Variants in PTPRD observed in about 807,000 individuals in gnomAD.
The protein encoded by PTPRD is receptor-type tyrosine-protein phosphatase delta.
In PTPRD, 34 loss-of-function variants were observed where a neutral mutation model predicts 214.5. That is an observed-to-expected ratio of 0.16 (90% CI 0.12 to 0.21). The LOEUF is 0.21. Among genes scored for constraint, PTPRD ranks in the 10% least tolerant of loss-of-function variants. The probability of loss-of-function intolerance (pLI) is 1.00; values close to 1 mark genes in which losing one functional copy is unlikely to be tolerated. For synonymous variants in PTPRD, 1,128 were observed against 845.7 expected, an observed-to-expected ratio of 1.33 and a Z score of -5.79; for missense variants, 2,545 against 2,398.7, an observed-to-expected ratio of 1.06 and a Z score of -1.27.
intron 10 of PTPRD, among the ~76,000 whole-genome samples, chr9:9,048,144 G>C (rs2099676846): frequency 6.6e-6 from 1 of 152,072 alleles, no homozygotes; most frequent in African/African-American, 2.4e-5. Context: ...CCAAAAGACA[G>C]GCAATAACAA....
chr9:10,179,205 A>G (rs564227762), intron 3 of PTPRD, among the ~76,000 whole-genome samples: 2 of 152,126 alleles, frequency 1.3e-5, no homozygotes, highest in African/African-American at 2.4e-5. Context: ...ACATTTAAAT[A>G]TTGAAGAAAA....
chr9:8,583,517 C>T (rs2093369514), intron 14 of PTPRD, among the ~76,000 whole-genome samples: 1 of 152,182 alleles, frequency 6.6e-6, no homozygotes, highest in East Asian at 1.9e-4. Flanking sequence ...GAAACATAAT[C>T]TTGAACAAAA....
At chr9:10,108,184 T>C (rs55637129) in intron 3 of PTPRD, among the ~76,000 whole-genome samples, 8,010 of 152,212 alleles carry the variant, frequency 0.053, 275 homozygotes, top group Admixed American at 0.1. Context: ...TTGTCTTTAT[T>C]TTTTAAATTG....
Position 9,018,422 on chromosome 9 carries a change from T to C in PTPRD, c.-104+275A>G, listed in dbSNP as rs554433561. 3.3e-5 allele frequency among the ~76,000 whole-genome samples: 5 copies of C among 152,318 alleles called. No individual in the cohort carries two copies. The East Asian group carries it at 9.6e-4, about 29-fold the overall frequency. On this transcript the variant is annotated intron_variant, in intron 11 of 45. Transcript: ENST00000381196. Reference sequence around the variant, plus strand: ...GTATTTGCTCTTCCACATAAAAACATACCCATTATTTAGGACTTGAAATTT... The same window carrying C: ...GTATTTGCTCTTCCACATAAAAACACACCCATTATTTAGGACTTGAAATTT...
chr9:9,303,798 T>C (rs981032954), intron 9 of PTPRD, among the ~76,000 whole-genome samples: 2 of 152,164 alleles, frequency 1.3e-5, no homozygotes, highest in African/African-American at 4.8e-5. Context: ...GTGAGAATGC[T>C]GTTTACAATA....
intron 26 of PTPRD, among the ~76,000 whole-genome samples, chr9:8,496,649 T>G (rs1489597300): frequency 6.6e-6 from 1 of 152,206 alleles, no homozygotes; most frequent in Non-Finnish European, 1.5e-5. Flanking sequence ...TAGTTAGAGT[T>G]AATCAGTGCC....
intron 9 of PTPRD, among the ~76,000 whole-genome samples, chr9:9,235,399 C>A (rs371437568): frequency 6.6e-6 from 1 of 152,132 alleles, no homozygotes; most frequent in Non-Finnish European, 1.5e-5. Context: ...TGGATTATTA[C>A]CCTTTGTCCA....
intron 8 of PTPRD, among the ~76,000 whole-genome samples, chr9:9,490,611 A>G (rs756862340): frequency 6.6e-6 from 1 of 152,034 alleles, no homozygotes; most frequent in Non-Finnish European, 1.5e-5. Flanking sequence ...TAGCTTTTAA[A>G]GGAGCAGAAC....
chr9:9,473,283 G>A (rs938652234), intron 8 of PTPRD, among the ~76,000 whole-genome samples: 3 of 152,164 alleles, frequency 2.0e-5, no homozygotes, highest in Non-Finnish European at 4.4e-5. Flanking sequence ...CCAGGTTTAC[G>A]CATGTTGTAT....
At chr9:10,514,036 T>G (rs2049160465) in intron 2 of PTPRD, among the ~76,000 whole-genome samples, 1 of 152,162 alleles carries the variant, frequency 6.6e-6, no homozygotes, top group Non-Finnish European at 1.5e-5. Flanking sequence ...TAGATCAGTA[T>G]TACACTACAT....
intron 2 of PTPRD, among the ~76,000 whole-genome samples, chr9:10,511,434 T>C (rs1207083765): frequency 1.3e-5 from 2 of 151,966 alleles, no homozygotes; most frequent in Admixed American, 6.6e-5. Context: ...GATGGAGTCT[T>C]GATCTGTCAC....
At chr9:8,766,002 G>A (rs1471501550) in intron 11 of PTPRD, among the ~76,000 whole-genome samples, 1 of 151,792 alleles carries the variant, frequency 6.6e-6, no homozygotes, top group Non-Finnish European at 1.5e-5. Context: ...CCTGATGTAG[G>A]AAAAAATGAC....
chr9:8,487,307 T>C (rs1313760570), intron 27 of PTPRD, among the ~76,000 whole-genome samples: 3 of 152,218 alleles, frequency 2.0e-5, no homozygotes, highest in Admixed American at 2.0e-4. Context: ...TGTGAAAAGG[T>C]CTAATCTACT....
intron 2 of PTPRD, among the ~76,000 whole-genome samples, chr9:10,343,591 C>T (rs56960372): frequency 0.11 from 16,010 of 152,142 alleles, 892 homozygotes; most frequent in Non-Finnish European, 0.12. Flanking sequence ...ACAGTCCCAC[C>T]AACAGTGAAA....
chr9:8,747,045 C>G (rs1210210081), intron 11 of PTPRD, among the ~76,000 whole-genome samples: 1 of 151,990 alleles, frequency 6.6e-6, no homozygotes, highest in African/African-American at 2.4e-5. Flanking sequence ...AGGATCAAGC[C>G]CCAAATTAAA....
At chr9:9,711,611 G>T (rs1265784806) in intron 7 of PTPRD, among the ~76,000 whole-genome samples, 1 of 152,046 alleles carries the variant, frequency 6.6e-6, no homozygotes, top group Non-Finnish European at 1.5e-5. Context: ...TATTCCAGTG[G>T]TTCTCAACAA....
At chr9:9,065,423 G>A (rs2099725933) in intron 10 of PTPRD, among the ~76,000 whole-genome samples, 1 of 152,178 alleles carries the variant, frequency 6.6e-6, no homozygotes, top group African/African-American at 2.4e-5. Flanking sequence ...GTACTAGCAT[G>A]TGTGAGGAAC....
chr9:9,780,626 A>C (rs1387061228), intron 5 of PTPRD, among the ~76,000 whole-genome samples: 1 of 152,216 alleles, frequency 6.6e-6, no homozygotes, highest in Admixed American at 6.5e-5. Context: ...TTTGGAAGAC[A>C]GTTTGGTGAT....
intron 11 of PTPRD, among the ~76,000 whole-genome samples, chr9:8,988,574 G>A (rs1425056848): frequency 6.6e-6 from 1 of 152,054 alleles, no homozygotes; most frequent in Non-Finnish European, 1.5e-5. Context: ...GGTTTTAGCA[G>A]TTCCTCTGTT....
Sources: allele counts gnomAD v4.1 joint callset (sites outside exome capture counted in the v4.1 genomes callset), GRCh38; gene constraint gnomAD v4.1.1; transcripts MANE v1.5; gene names NCBI Gene and HGNC (gene_info 2026-07-23, HGNC 2026-07-21).